The following SLF1 variants were observed in gnomAD, a reference collection of about 807,000 sequenced individuals.
SLF1 encodes the protein SMC5-SMC6 complex localization factor protein 1.
In SLF1, 105 loss-of-function variants were observed where a neutral mutation model predicts 123.0. The ratio of observed to expected loss-of-function variants is 0.85; its 90% confidence interval spans 0.73 to 1.00. The LOEUF (loss-of-function observed/expected upper bound fraction) is 1.00, where lower values mean the gene tolerates loss of function less well. Among genes scored for constraint, SLF1 ranks in the 50% least tolerant of loss-of-function variants. SLF1 has a pLI of 0.00. For synonymous variants in SLF1, 434 were observed against 406.6 expected, an observed-to-expected ratio of 1.07 and a Z score of -0.81; for missense variants, 1,239 against 1,223.0, an observed-to-expected ratio of 1.01 and a Z score of -0.20.
intron 12 of SLF1, among the ~76,000 whole-genome samples, chr5:94,668,490 C>T (rs1453933026): frequency 4.6e-5 from 7 of 152,050 alleles, no homozygotes; most frequent in Admixed American, 1.3e-4. Flanking sequence ...TGCGCCACCA[C>T]GCCTTGCTGA....
At chr5:94,661,429 G>A (rs1373521054) in intron 9 of SLF1, among the ~76,000 whole-genome samples, 1 of 152,062 alleles carries the variant, frequency 6.6e-6, no homozygotes, top group Admixed American at 6.5e-5. Context: ...GCCCTATTCA[G>A]TGTGTGATTA....
chr5:94,663,808 G>T lies in SLF1; in HGVS notation c.1268G>T (p.Gly423Val). ...AATTTAATTGAAAGCCTCATAGAAG[G>T]ACATTTTTTTAAAGAAGCAATTGAG... ...VLNLIESLIE[G>V]HFFKEAIEEL... Residue 423 changes from glycine to valine, a missense_variant, in exon 11 of 21, where the codon GGA (glycine) becomes GTA (valine). Coordinates refer to ENST00000265140, the MANE Select transcript of SLF1 (RefSeq NM_032290.4). 6.4e-7 allele frequency: 1 copy of T among 1,550,498 alleles called. No individual in the cohort carries two copies. The highest frequency in any genetic ancestry group is 8.7e-7 in the Non-Finnish European group (1 of 1,146,464).
chr5:94,670,991 A>T lies in SLF1; in HGVS notation c.1810A>T (p.Lys604Ter). The T allele has an allele frequency of 6.5e-7, 1 of 1,542,918 alleles. No homozygotes were observed. Among genetic ancestry groups the T allele is most frequent in the South Asian group, 1.2e-5 (1 of 83,158 alleles). ...LEWTIYSHKE[K>*]FKSNDVFKHE... ...ATGGACTATATATTCTCACAAGGAAAAATTCAAGTCTAATGATGTAAGTAG... is the reference window on the plus strand; with the variant it reads ...ATGGACTATATATTCTCACAAGGAATAATTCAAGTCTAATGATGTAAGTAG... Residue 604 changes from lysine to a stop codon, truncating the protein, a stop_gained, in exon 14 of 21, where the codon AAA (lysine) becomes TAA (stop). Coordinates refer to ENST00000265140, the MANE Select transcript of SLF1 (RefSeq NM_032290.4). LOFTEE classifies it high-confidence loss of function.
At chr5:94,660,204 C>A (rs529750115) in intron 9 of SLF1, among the ~76,000 whole-genome samples, 1 of 152,058 alleles carries the variant, frequency 6.6e-6, no homozygotes, top group Non-Finnish European at 1.5e-5. Flanking sequence ...GGGTTGATCC[C>A]GATGTTCCTG....
At chr5:94,647,866 GTTAAC>G (rs1228590186) in intron 5 of SLF1, among the ~76,000 whole-genome samples, 3 of 152,172 alleles carry the variant, frequency 2.0e-5, no homozygotes, top group Non-Finnish European at 2.9e-5. Flanking sequence ...TTTTTAAATA[GTTAAC>G]TTATGTAGGG....
intron 4 of SLF1, among the ~76,000 whole-genome samples, chr5:94,641,683 C>T (rs73140284): frequency 0.073 from 11,173 of 152,204 alleles, 462 homozygotes; most frequent in South Asian, 0.12. Flanking sequence ...CATGCTCTTC[C>T]TTTCTCTGTT....
At chr5:94,691,264 A>T in intron 18 of SLF1, 1 of 281,496 alleles carries the variant, frequency 3.6e-6, no homozygotes, top group Non-Finnish European at 6.6e-6. Context: ...GTTTTATAGC[A>T]GGATTGAAGC....
intron 8 of SLF1, among the ~76,000 whole-genome samples, chr5:94,654,050 G>A (rs1561444970): frequency 6.6e-6 from 1 of 152,006 alleles, no homozygotes; most frequent in Non-Finnish European, 1.5e-5. Flanking sequence ...GGTGCCTGTG[G>A]TTCCAGCTGC....
chr5:94,633,931 A>G (rs1343606632), intron 4 of SLF1, among the ~76,000 whole-genome samples: 2 of 152,054 alleles, frequency 1.3e-5, no homozygotes, highest in Non-Finnish European at 2.9e-5. Context: ...AACTTGGATC[A>G]TTGATTTTAG....
At position 94,695,455 on chromosome 5, in the gene SLF1, T is replaced by A; in HGVS notation, c.*143T>A. ...AGCCTTGCTAAATTTTAAAAGCATTTTTAAAAAAACTTCTACAAAACTCTA... is the reference window on the plus strand; with the variant it reads ...AGCCTTGCTAAATTTTAAAAGCATTATTAAAAAAACTTCTACAAAACTCTA... On this transcript the variant is annotated 3_prime_UTR_variant, in exon 21 of 21. Coordinates refer to ENST00000265140, the MANE Select transcript of SLF1 (RefSeq NM_032290.4). 9.1e-7 allele frequency: 1 copy of A among 1,094,036 alleles called. No individual in the cohort carries two copies. The highest frequency in any genetic ancestry group is 1.2e-6 in the Non-Finnish European group (1 of 819,750). The allele number at this position is 1,094,036 out of a possible 1,614,324, so 67.8% of individuals were successfully genotyped here. A position where few individuals can be genotyped will look rare whatever the true frequency, so the allele number is the denominator to read the frequency against.
chr5:94,663,532 T>A (rs1351983821), intron 10 of SLF1, among the ~76,000 whole-genome samples: 1 of 152,192 alleles, frequency 6.6e-6, no homozygotes, highest in Non-Finnish European at 1.5e-5. Context: ...TAGGCCCAGC[T>A]ATTCAGGAGG....
intron 9 of SLF1, among the ~76,000 whole-genome samples, chr5:94,659,869 G>A (rs747591857): frequency 7.9e-5 from 12 of 152,120 alleles, no homozygotes; most frequent in Non-Finnish European, 5.9e-5. Context: ...CAGGTCTCTG[G>A]GTGGTGTGCA....
chr5:94,624,691 AT>A (rs897076688), intron 1 of SLF1, among the ~76,000 whole-genome samples: 2 of 152,054 alleles, frequency 1.3e-5, no homozygotes, highest in Admixed American at 6.5e-5. Context: ...TGTTATAACA[AT>A]TTTTTTATTA....
At chr5:94,624,041 C>A (rs1424702327) in intron 1 of SLF1, among the ~76,000 whole-genome samples, 3 of 152,062 alleles carry the variant, frequency 2.0e-5, no homozygotes, top group Admixed American at 6.5e-5. Context: ...AAAACTGTTA[C>A]AAAACTGTGC....
chr5:94,674,768 G>A (rs1750854566), intron 14 of SLF1, among the ~76,000 whole-genome samples: 1 of 152,172 alleles, frequency 6.6e-6, no homozygotes, highest in Non-Finnish European at 1.5e-5. Context: ...AAAATGTTGG[G>A]CTTTCCTTGG....
intron 5 of SLF1, among the ~76,000 whole-genome samples, chr5:94,648,829 C>T (rs1747365111): frequency 6.6e-6 from 1 of 152,142 alleles, no homozygotes; most frequent in Admixed American, 6.5e-5. Flanking sequence ...AACTTTTACT[C>T]CCAGCTTGTT....
chr5:94,689,745 C>A, intron 18 of SLF1, 139 bp downstream of exon 18: 2 of 690,276 alleles, frequency 2.9e-6, no homozygotes, highest in Non-Finnish European at 4.6e-6. Flanking sequence ...TCTTGGATAA[C>A]GTATTATTTT....
At chr5:94,678,459 ATCTC>A (rs552273324) in intron 14 of SLF1, 175 of 162,676 alleles carry the variant, frequency 1.1e-3, no homozygotes, top group African/African-American at 4.1e-3. Flanking sequence ...TTATAGTCCT[ATCTC>A]TCCTATTTAT....
intron 3 of SLF1, among the ~76,000 whole-genome samples, chr5:94,629,986 A>G (rs1055057777): frequency 1.3e-5 from 2 of 152,204 alleles, no homozygotes; most frequent in Non-Finnish European, 2.9e-5. Flanking sequence ...CTCTTAAGAA[A>G]AAAAAAAGAG....
Sources: allele counts gnomAD v4.1 joint callset (sites outside exome capture counted in the v4.1 genomes callset), GRCh38; gene constraint gnomAD v4.1.1; transcripts MANE v1.5; gene names NCBI Gene and HGNC (gene_info 2026-07-23, HGNC 2026-07-21).